The following GADL1 variants were observed in gnomAD, a reference collection of about 807,000 sequenced individuals.
The protein encoded by GADL1 is acidic amino acid decarboxylase GADL1.
Under a neutral mutation model 69.5 loss-of-function variants are expected in GADL1, and 71 were observed. The observed-to-expected ratio is 1.02, with a 90% CI of 0.84 to 1.25. The LOEUF is 1.25. GADL1 is among the 50% of genes most tolerant of loss of function. The pLI, the probability that GADL1 is intolerant of heterozygous loss-of-function variation, is 0.00. For synonymous variants in GADL1, 254 were observed against 214.4 expected (o/e 1.18, Z -1.62); for missense variants, 737 against 631.8 (o/e 1.17, Z -1.79).
At chr3:30,810,059 T>A (rs1354622169) in intron 11 of GADL1, among the ~76,000 whole-genome samples, 1 of 152,224 alleles carries the variant, frequency 6.6e-6, no homozygotes, top group Non-Finnish European at 1.5e-5. Context: ...TCTGCCCTGT[T>A]CTCTTCTGCC....
chr3:30,751,150 A>G (rs1025944361), intron 14 of GADL1, among the ~76,000 whole-genome samples: 1 of 150,992 alleles, frequency 6.6e-6, no homozygotes, highest in Non-Finnish European at 1.5e-5. Flanking sequence ...CGCTCCTGTG[A>G]TAACAAGACA....
chr3:30,856,627 T>G (rs1245178053), intron 3 of GADL1, among the ~76,000 whole-genome samples: 1 of 152,068 alleles, frequency 6.6e-6, no homozygotes, highest in East Asian at 1.9e-4. Flanking sequence ...AACACTTTTT[T>G]TGCATACTCT....
intron 9 of GADL1, among the ~76,000 whole-genome samples, chr3:30,834,933 G>C (rs1697850273): frequency 6.6e-6 from 1 of 151,996 alleles, no homozygotes; most frequent in Admixed American, 6.6e-5. Flanking sequence ...ATTGATGTAA[G>C]AAATACAAAA....
intron 2 of GADL1, 33 bp from the exon 3 acceptor site, chr3:30,857,174 C>A (rs1698241974): frequency 1.9e-6 from 3 of 1,543,902 alleles, no homozygotes; most frequent in Non-Finnish European, 2.6e-6. Flanking sequence ...AATTGAGTAT[C>A]CACCATAGCC....
At position 30,768,566 on chromosome 3, in the gene GADL1, T is replaced by A. The variant is rs75634666; in HGVS notation, c.1392+9613A>T. 7.9e-3 allele frequency among the ~76,000 whole-genome samples: 350 copies of A among 44,406 alleles called. 2 individuals carry two copies. Among genetic ancestry groups the A allele is most frequent in the African/African-American group, 0.025 (333 of 13,270 alleles). The allele number at this position is 44,406 out of a possible 152,430, so 29.1% of individuals were successfully genotyped here. A position where few individuals can be genotyped will look rare whatever the true frequency, so the allele number is the denominator to read the frequency against. ...GGAGAAGAGGGGGAGAGAGAAGGGG[T>A]GGGGAGGGGGAGGAGAGGCGGAGAA... is the stretch of plus-strand genomic sequence containing the variant. On this transcript the variant is annotated intron_variant, in intron 14 of 14. Coordinates refer to ENST00000282538, the MANE Select transcript of GADL1 (RefSeq NM_207359.3).
chr3:30,829,442 G>A (rs1697748681), intron 11 of GADL1, among the ~76,000 whole-genome samples: 2 of 152,008 alleles, frequency 1.3e-5, no homozygotes, highest in South Asian at 4.1e-4. Context: ...TATTTACTAA[G>A]TAATTTCTTT....
chr3:30,784,012 C>T (rs1696733446), intron 13 of GADL1, among the ~76,000 whole-genome samples: 1 of 152,092 alleles, frequency 6.6e-6, no homozygotes, highest in South Asian at 2.1e-4. Context: ...GAGAAAATAA[C>T]ACAACTCAAA....
At chr3:30,886,934 T>C (rs1402109215) in intron 1 of GADL1, among the ~76,000 whole-genome samples, 3 of 152,222 alleles carry the variant, frequency 2.0e-5, no homozygotes, top group Non-Finnish European at 4.4e-5. Flanking sequence ...CAGCAGCACG[T>C]ACAGAATGAG....
intron 14 of GADL1, among the ~76,000 whole-genome samples, chr3:30,763,220 C>T (rs902206580): frequency 2.0e-5 from 3 of 152,066 alleles, no homozygotes; most frequent in African/African-American, 4.8e-5. Context: ...AAGTATTGGC[C>T]AGGAACAGTG....
chr3:30,733,357 C>G (rs1695493124), intron 14 of GADL1, among the ~76,000 whole-genome samples: 1 of 152,094 alleles, frequency 6.6e-6, no homozygotes, highest in African/African-American at 2.4e-5. Flanking sequence ...GGAACAATCA[C>G]AAAAACTAAT....
intron 12 of GADL1, among the ~76,000 whole-genome samples, chr3:30,795,842 A>C (rs769056923): frequency 6.6e-6 from 1 of 152,174 alleles, no homozygotes; most frequent in East Asian, 1.9e-4. Flanking sequence ...GGATATCAAG[A>C]GTGTGGAAAG....
chr3:30,784,986 C>G (rs1476760490), intron 13 of GADL1, among the ~76,000 whole-genome samples: 4 of 152,192 alleles, frequency 2.6e-5, no homozygotes, highest in African/African-American at 9.6e-5. Context: ...GCCAGAATAT[C>G]TGTCCCTCAA....
chr3:30,887,080 C>T (rs922673195), intron 1 of GADL1, among the ~76,000 whole-genome samples: 1 of 152,180 alleles, frequency 6.6e-6, no homozygotes, highest in Non-Finnish European at 1.5e-5. Context: ...TAGTTCAGTG[C>T]CCACAGTGCC....
intron 14 of GADL1, among the ~76,000 whole-genome samples, chr3:30,753,975 G>A (rs944535784): frequency 2.6e-5 from 4 of 152,106 alleles, no homozygotes; most frequent in Admixed American, 6.6e-5. Flanking sequence ...AAAAGCCATG[G>A]CCACCTACGG....
intron 11 of GADL1, among the ~76,000 whole-genome samples, chr3:30,804,288 A>G (rs2125508689): frequency 6.6e-6 from 1 of 150,720 alleles, no homozygotes; most frequent in Non-Finnish European, 1.5e-5. Flanking sequence ...AGGAAGCCTG[A>G]AAACCAAAGC....
At chr3:30,825,975 G>T (rs1011911135) in intron 11 of GADL1, among the ~76,000 whole-genome samples, 3 of 151,542 alleles carry the variant, frequency 2.0e-5, no homozygotes, top group Non-Finnish European at 4.4e-5. Flanking sequence ...AAAATAAAAG[G>T]CAAAAAAGGC....
chr3:30,772,893 G>A (rs946642616), intron 14 of GADL1, among the ~76,000 whole-genome samples: 6 of 152,154 alleles, frequency 3.9e-5, no homozygotes, highest in African/African-American at 1.4e-4. Flanking sequence ...CAAAAGCGAA[G>A]TGTAACTCTA....
chr3:30,759,224 T>C (rs1255557847), intron 14 of GADL1, among the ~76,000 whole-genome samples: 1 of 150,974 alleles, frequency 6.6e-6, no homozygotes, highest in Non-Finnish European at 1.5e-5. Flanking sequence ...TAGACATCTG[T>C]CTCTTTAGCT....
chr3:30,728,848 G>A (rs893022282), intron 14 of GADL1, among the ~76,000 whole-genome samples: 2 of 151,888 alleles, frequency 1.3e-5, no homozygotes, highest in Non-Finnish European at 2.9e-5. Context: ...CCCCAGTTCA[G>A]GTATCTTGAA....
Sources: allele counts gnomAD v4.1 joint callset (sites outside exome capture counted in the v4.1 genomes callset), GRCh38; gene constraint gnomAD v4.1.1; transcripts MANE v1.5; gene names NCBI Gene and HGNC (gene_info 2026-07-23, HGNC 2026-07-21).